Variants in GSDMC observed in about 807,000 individuals in gnomAD.
GSDMC encodes the protein gasdermin C.
Under a neutral mutation model 58.0 loss-of-function variants are expected in GSDMC, and 59 were observed. That is an observed-to-expected ratio of 1.02 (90% CI 0.82 to 1.26). The LOEUF is 1.26. Among genes scored for constraint, GSDMC ranks in the 50% most tolerant of loss-of-function variants. The probability of loss-of-function intolerance (pLI) is 0.00; values close to 1 mark genes in which losing one functional copy is unlikely to be tolerated. For missense variants in GSDMC, 659 were observed against 598.5 expected (o/e 1.10, Z -1.06); for synonymous variants, 241 against 220.2 (o/e 1.09, Z -0.83).
chr8:129,744,122 T>C (rs1177119504), downstream of GSDMC, among the ~76,000 whole-genome samples: 3 of 152,000 alleles, frequency 2.0e-5, no homozygotes, highest in Admixed American at 2.0e-4. Context: ...TCTGTGTTGT[T>C]AACTCAGAGA....
At chr8:129,734,644 C>T in the GSDMC span, among the ~76,000 whole-genome samples, 3 of 152,076 alleles carry the variant, frequency 2.0e-5, no homozygotes, top group African/African-American at 4.8e-5. Context: ...TTTGTCATCA[C>T]CAGGCCTGCC....
chr8:129,730,965 T>C, the GSDMC span, among the ~76,000 whole-genome samples: 2 of 152,218 alleles, frequency 1.3e-5, no homozygotes, highest in Non-Finnish European at 2.9e-5. Flanking sequence ...CTTTGTCCTG[T>C]TCTATGTAAA....
intron 3 of GSDMC, among the ~76,000 whole-genome samples, chr8:129,773,119 C>T (rs773500806): frequency 1.1e-4 from 16 of 152,260 alleles, no homozygotes; most frequent in African/African-American, 3.9e-4. Flanking sequence ...TGTACCTTAA[C>T]ATAATGAAGG....
the GSDMC span, among the ~76,000 whole-genome samples, chr8:129,708,713 T>C: frequency 6.6e-6 from 1 of 152,266 alleles, no homozygotes; most frequent in Non-Finnish European, 1.5e-5. Flanking sequence ...CTGGACTTTA[T>C]TCAAGCCTTG....
At chr8:129,778,849 T>C (rs79972416) in intron 1 of GSDMC, among the ~76,000 whole-genome samples, 73 of 143,044 alleles carry the variant, frequency 5.1e-4, no homozygotes, top group African/African-American at 1.8e-3. Context: ...AACAATCGTA[T>C]AAAAAAAAAA....
the GSDMC span, among the ~76,000 whole-genome samples, chr8:129,709,887 T>C: frequency 3.3e-5 from 5 of 152,214 alleles, no homozygotes; most frequent in Non-Finnish European, 5.9e-5. Context: ...GCAGCGCTAG[T>C]TCTTTCTCAC....
At chr8:129,756,348 C>T (rs1453372957) in intron 6 of GSDMC, among the ~76,000 whole-genome samples, 1 of 151,874 alleles carries the variant, frequency 6.6e-6, no homozygotes, top group African/African-American at 2.4e-5. Context: ...CTGCAGTACC[C>T]AGATATATAA....
rs1469637415 is a variant in GSDMC at position 129,751,990 on chromosome 8, C to T, written c.887-99G>A. 6.2e-6 allele frequency: 9 copies of T among 1,459,088 alleles called. No individual in the cohort carries two copies. In the Admixed American group the frequency reaches 8.4e-5, roughly 14 times the overall value. 90.4% of individuals were successfully genotyped at this position (1,459,088 alleles called of 1,614,324 possible). A position where few individuals can be genotyped will look rare whatever the true frequency, so the allele number is the denominator to read the frequency against. ...CCTGAACCACTCTTCTCTATCTGTT[C>T]CTGCCCTTTTCCCCAGAGGCCAGAC... On this transcript the variant is annotated intron_variant, in intron 8 of 13. Transcript: ENST00000276708.
chr8:129,748,831 A>G, intron 13 of GSDMC, 91 bp from the exon 14 acceptor site: 1 of 1,081,972 alleles, frequency 9.2e-7, no homozygotes, highest in Non-Finnish European at 1.3e-6. Context: ...ATGCAGGATA[A>G]TAAAAGGAGC....
intron 5 of GSDMC, among the ~76,000 whole-genome samples, chr8:129,760,804 T>C (rs1489974711): frequency 6.6e-6 from 1 of 152,196 alleles, no homozygotes; most frequent in Non-Finnish European, 1.5e-5. Flanking sequence ...TTTTGGAAAT[T>C]ACCTTGATAG....
chr8:129,771,162 T>C (rs2034036934), intron 3 of GSDMC, among the ~76,000 whole-genome samples: 1 of 151,440 alleles, frequency 6.6e-6, no homozygotes. Context: ...AGCACATAAA[T>C]ATATAAATCA....
chr8:129,762,872 C>T (rs1357135861), intron 4 of GSDMC, 141 bp from the exon 5 acceptor site: 1 of 574,062 alleles, frequency 1.7e-6, no homozygotes, highest in Non-Finnish European at 3.1e-6. Context: ...CCAATCACTG[C>T]TCTTTCTTCC....
At chr8:129,771,710 T>A (rs536080258) in intron 3 of GSDMC, among the ~76,000 whole-genome samples, 1 of 151,160 alleles carries the variant, frequency 6.6e-6, no homozygotes, top group South Asian at 2.1e-4. Context: ...CCAATAACAA[T>A]GGCACAAAAC....
At chr8:129,763,467 C>G (rs905087528) in intron 4 of GSDMC, among the ~76,000 whole-genome samples, 1 of 152,154 alleles carries the variant, frequency 6.6e-6, no homozygotes, top group African/African-American at 2.4e-5. Context: ...GTCTCAGAAC[C>G]TTCCTTGTAT....
the GSDMC span, among the ~76,000 whole-genome samples, chr8:129,716,077 C>A: frequency 6.6e-6 from 1 of 151,820 alleles, no homozygotes; most frequent in Non-Finnish European, 1.5e-5. Flanking sequence ...TTACTCATTC[C>A]GAAAGAAGGC....
At chr8:129,777,831 C>T (rs897586931) in intron 1 of GSDMC, among the ~76,000 whole-genome samples, 12 of 152,060 alleles carry the variant, frequency 7.9e-5, no homozygotes, top group African/African-American at 2.9e-4. Flanking sequence ...AGTGATTCTC[C>T]GCCTCAGCCT....
At chr8:129,757,365 C>T (rs931932421) in intron 6 of GSDMC, among the ~76,000 whole-genome samples, 23 of 152,058 alleles carry the variant, frequency 1.5e-4, no homozygotes, top group South Asian at 8.3e-4. Flanking sequence ...AAATTTAAAA[C>T]CTGAACAGAT....
the GSDMC span, among the ~76,000 whole-genome samples, chr8:129,723,480 T>C: frequency 6.7e-6 from 1 of 149,890 alleles, no homozygotes; most frequent in Non-Finnish European, 1.5e-5. Context: ...CCTGGTCAGA[T>C]TGGTCTCGAA....
chr8:129,769,094 G>GAGGAGAGGAGAGGAA, intron 3 of GSDMC, among the ~76,000 whole-genome samples: 1 of 149,792 alleles, frequency 6.7e-6, no homozygotes, highest in Non-Finnish European at 1.5e-5. Context: ...AAGGAGAGGA[G>GAGGAGAGGAGAGGAA]AGGAGAGGAG....
Sources: allele counts gnomAD v4.1 joint callset (sites outside exome capture counted in the v4.1 genomes callset), GRCh38; gene constraint gnomAD v4.1.1; transcripts MANE v1.5; gene names NCBI Gene and HGNC (gene_info 2026-07-23, HGNC 2026-07-21).